Variants in VGLL4 observed in about 807,000 individuals in gnomAD.
VGLL4 encodes the protein transcription cofactor vestigial-like protein 4.
In VGLL4, 7 loss-of-function variants were observed where a neutral mutation model predicts 21.0. That is an observed-to-expected ratio of 0.33 (90% CI 0.19 to 0.63). VGLL4 has a LOEUF of 0.63. Among genes scored for constraint, VGLL4 ranks in the 20% least tolerant of loss-of-function variants. VGLL4 has a pLI of 0.78. For missense variants in VGLL4, 394 were observed against 425.7 expected, an observed-to-expected ratio of 0.93 and a Z score of 0.66; for synonymous variants, 222 against 173.2, an observed-to-expected ratio of 1.28 and a Z score of -2.21.
intron 1 of VGLL4, among the ~76,000 whole-genome samples, chr3:11,628,344 T>A (rs2075398953): frequency 6.7e-6 from 1 of 149,278 alleles, no homozygotes; most frequent in African/African-American, 2.5e-5. Context: ...ACCGAGATCG[T>A]GCCATTGCAA....
At chr3:11,690,479 T>A (rs537432631) in intron 2 of VGLL4, among the ~76,000 whole-genome samples, 94 of 152,320 alleles carry the variant, frequency 6.2e-4, no homozygotes, top group Non-Finnish European at 1.0e-3. Flanking sequence ...CAAAGCACCC[T>A]AAACTAGTAC....
chr3:11,694,981 TTATG>T (rs2076583405), intron 2 of VGLL4, among the ~76,000 whole-genome samples: 1 of 152,202 alleles, frequency 6.6e-6, no homozygotes, highest in East Asian at 1.9e-4. Context: ...AGGCCCATTT[TTATG>T]CTTTATATAT....
At chr3:11,674,289 G>A (rs1162676990) in intron 2 of VGLL4, among the ~76,000 whole-genome samples, 1 of 152,128 alleles carries the variant, frequency 6.6e-6, no homozygotes, top group Admixed American at 6.5e-5. Flanking sequence ...CACAGCACAT[G>A]GGAGAAAAGT....
chr3:11,570,989 C>T (rs111977318), intron 2 of VGLL4, among the ~76,000 whole-genome samples: 42 of 152,272 alleles, frequency 2.8e-4, no homozygotes, highest in African/African-American at 9.1e-4. Flanking sequence ...CAATTTTAGA[C>T]GGGAAGTGAG....
At chr3:11,607,858 G>C (rs569857027) in intron 1 of VGLL4, among the ~76,000 whole-genome samples, 1 of 152,278 alleles carries the variant, frequency 6.6e-6, no homozygotes, top group African/African-American at 2.4e-5. Flanking sequence ...TGAAACACTT[G>C]AGGTGACTTA....
At chr3:11,608,150 A>T (rs886100787) in intron 1 of VGLL4, among the ~76,000 whole-genome samples, 3 of 152,236 alleles carry the variant, frequency 2.0e-5, no homozygotes, top group Non-Finnish European at 2.9e-5. Context: ...CTTTTTCAAG[A>T]ATAAACAGAA....
intron 2 of VGLL4, among the ~76,000 whole-genome samples, chr3:11,673,644 AT>A (rs1260641464): frequency 6.6e-6 from 1 of 152,142 alleles, no homozygotes; most frequent in Non-Finnish European, 1.5e-5. Context: ...GGCATTTGAA[AT>A]TTCAGAACAC....
At chr3:11,597,779 C>G (rs896392746) in intron 2 of VGLL4, among the ~76,000 whole-genome samples, 1 of 152,146 alleles carries the variant, frequency 6.6e-6, no homozygotes, top group Non-Finnish European at 1.5e-5. Context: ...TCTTCCTTGG[C>G]AATACTCCTC....
intron 1 of VGLL4, among the ~76,000 whole-genome samples, chr3:11,705,303 A>AGG (rs1288889593): frequency 1.4e-4 from 21 of 152,310 alleles, no homozygotes; most frequent in African/African-American, 4.3e-4. Flanking sequence ...GAGGGCAGCG[A>AGG]GGGGCACTGG....
chr3:11,604,373 C>T, intron 1 of VGLL4: 1 of 956,482 alleles, frequency 1.0e-6, no homozygotes, highest in Non-Finnish European at 1.2e-6. Context: ...CCCATGGCCT[C>T]TGCAATCAGA....
At chr3:11,567,362 C>A (rs1184620848) in intron 2 of VGLL4, among the ~76,000 whole-genome samples, 1 of 152,068 alleles carries the variant, frequency 6.6e-6, no homozygotes. Context: ...TGTACAGGAC[C>A]CAGTATTCGT....
chr3:11,568,239 C>T lies in VGLL4; in HGVS notation c.273-3220G>A, dbSNP rs1260079031. ...GGTACATAAGGCACTGCCCACCCCT[C>T]GCACCTTATGTCCTAGGGGCACGGC... On this transcript the variant is annotated intron_variant, in intron 2 of 4. Coordinates refer to ENST00000430365, the MANE Select transcript of VGLL4 (RefSeq NM_001128219.3). This position sits in a 1 kb window ranked among gnomAD's most constrained non-coding sequence, Gnocchi z 5.9. Among the ~76,000 whole-genome samples the T allele has an allele frequency of 2.0e-5, 3 of 152,332 alleles. No individual in the cohort carries two copies. The highest frequency in any genetic ancestry group is 3.9e-4 in the East Asian group (2 of 5,176).
chr3:11,688,317 A>C (rs922407602), intron 2 of VGLL4, among the ~76,000 whole-genome samples: 11 of 152,312 alleles, frequency 7.2e-5, no homozygotes, highest in Middle Eastern at 3.4e-3. Context: ...AGTGCTCTAT[A>C]CTATAAAATA....
intron 2 of VGLL4, among the ~76,000 whole-genome samples, chr3:11,680,418 T>G (rs1028676845): frequency 4.6e-5 from 7 of 152,118 alleles, no homozygotes; most frequent in African/African-American, 1.4e-4. Context: ...AAATTTTAAA[T>G]AAGTACTACA....
chr3:11,691,216 G>A (rs536506317), intron 2 of VGLL4, among the ~76,000 whole-genome samples: 8 of 149,062 alleles, frequency 5.4e-5, no homozygotes, highest in South Asian at 2.2e-4. Flanking sequence ...GAAGTATTGA[G>A]ACTAGAACAA....
At chr3:11,691,892 C>T (rs1053411566) in intron 2 of VGLL4, among the ~76,000 whole-genome samples, 1 of 150,102 alleles carries the variant, frequency 6.7e-6, no homozygotes, top group African/African-American at 2.4e-5. Flanking sequence ...TGGCTGACAG[C>T]ACTGGAGATG....
At chr3:11,705,979 C>T (rs2076756446) in intron 1 of VGLL4, among the ~76,000 whole-genome samples, 1 of 151,942 alleles carries the variant, frequency 6.6e-6, no homozygotes, top group African/African-American at 2.4e-5. Context: ...AAGCATCCTA[C>T]TTTGCAATAA....
chr3:11,568,745 C>A lies in VGLL4; in HGVS notation c.273-3726G>T, dbSNP rs2073653418. ...GGGGACGGCAGAAAACCGCACGCAT[C>A]CTGCCCGGGAGATGGAAGTCGCCTC... On this transcript the variant is annotated intron_variant, in intron 2 of 4. Transcript: ENST00000430365. This position sits in a 1 kb window ranked among gnomAD's most constrained non-coding sequence, Gnocchi z 5.9. 3 of 1,524,496 alleles carry A rather than the reference C, an allele frequency of 2.0e-6. No homozygotes were observed. The highest frequency in any genetic ancestry group is 1.2e-5 in the South Asian group (1 of 80,124). The allele number at this position is 1,524,496 out of a possible 1,614,324, so 94.4% of individuals were successfully genotyped here.
upstream of VGLL4, among the ~76,000 whole-genome samples, chr3:11,647,865 C>T (rs2075815477): frequency 1.3e-5 from 2 of 152,122 alleles, no homozygotes; most frequent in African/African-American, 4.8e-5. Context: ...TTCCAGCACA[C>T]TCTGGATTAT....
Sources: gnomAD v4.1 joint callset for allele counts (sites outside exome capture counted in the v4.1 genomes callset) on GRCh38, gnomAD v4.1.1 for gene constraint, Gnocchi (gnomAD v3.1) non-coding constraint, MANE v1.5 for transcripts, NCBI Gene and HGNC (gene_info 2026-07-23, HGNC 2026-07-21) for gene names.